Variants in PSD3 observed in about 807,000 individuals in gnomAD.
PSD3 encodes pleckstrin and Sec7 domain containing 3.
PSD3 carries 49 observed loss-of-function variants against 105.5 expected under a neutral mutation model. The ratio of observed to expected loss-of-function variants is 0.46; its 90% CI spans 0.37 to 0.59. The LOEUF (loss-of-function observed/expected upper bound fraction) is 0.59. PSD3 is among the 20% of genes least tolerant of loss of function. PSD3 has a pLI of 0.00. For synonymous variants in PSD3, 557 were observed against 457.8 expected, an observed-to-expected ratio of 1.22 and a Z score of -2.77; for missense variants, 1,561 against 1,263.8, an observed-to-expected ratio of 1.24 and a Z score of -3.57.
chr8:18,740,727 A>T (rs1456361445), intron 9 of PSD3, among the ~76,000 whole-genome samples: 1 of 152,176 alleles, frequency 6.6e-6, no homozygotes, highest in African/African-American at 2.4e-5. Flanking sequence ...AGTCACATGG[A>T]AATCCTCTCT....
intron 14 of PSD3, among the ~76,000 whole-genome samples, chr8:18,571,653 C>A (rs1157241731): frequency 1.3e-5 from 2 of 152,204 alleles, no homozygotes; most frequent in African/African-American, 4.8e-5. Flanking sequence ...AACAGGCACA[C>A]AATACATATT....
At chr8:18,540,425 T>C (rs971685175) in intron 15 of PSD3, among the ~76,000 whole-genome samples, 1 of 152,168 alleles carries the variant, frequency 6.6e-6, no homozygotes, top group Admixed American at 6.5e-5. Context: ...TTTCAGGTTC[T>C]AGGAAATGAT....
chr8:18,537,928 C>T (rs1323892845), intron 15 of PSD3, among the ~76,000 whole-genome samples: 3 of 152,178 alleles, frequency 2.0e-5, no homozygotes, highest in Non-Finnish European at 2.9e-5. Flanking sequence ...CCACCCGCCT[C>T]GGCCTCCCAA....
intron 15 of PSD3, among the ~76,000 whole-genome samples, chr8:18,539,339 C>T (rs1167774391): frequency 6.6e-6 from 1 of 152,122 alleles, no homozygotes; most frequent in Non-Finnish European, 1.5e-5. Flanking sequence ...TCATTGATTT[C>T]GCCTCATATT....
At chr8:18,622,057 C>G (rs573427025) in intron 11 of PSD3, among the ~76,000 whole-genome samples, 1 of 152,252 alleles carries the variant, frequency 6.6e-6, no homozygotes, top group East Asian at 1.9e-4. Context: ...CCTCTCCAAC[C>G]TTGTCAAGGT....
At position 18,916,463 on chromosome 8, in the gene PSD3, A is replaced by C. The variant is rs138506443; in HGVS notation, c.130+19571T>G. 7.4e-3 allele frequency among the ~76,000 whole-genome samples: 1,127 copies of C among 151,696 alleles called. 21 individuals carry two copies. The highest frequency in any genetic ancestry group is 0.026 in the African/African-American group (1,074 of 41,354). ...GGATAAACCTAGAGGACATTATGCT[A>C]AGTGAAATAAGTCAGGCACAGAATG... On this transcript the variant is annotated intron_variant, in intron 2 of 15. Transcript: ENST00000327040.
intron 1 of PSD3, among the ~76,000 whole-genome samples, chr8:19,043,876 T>C (rs906146804): frequency 6.6e-6 from 1 of 152,246 alleles, no homozygotes; most frequent in South Asian, 2.1e-4. Flanking sequence ...TATTTTGTTA[T>C]AGCAGCACAA....
At chr8:18,790,293 CTT>C (rs939629761) in intron 8 of PSD3, among the ~76,000 whole-genome samples, 2 of 148,532 alleles carry the variant, frequency 1.3e-5, no homozygotes, top group African/African-American at 5.0e-5. Flanking sequence ...TAACATTTTT[CTT>C]TTTTCTTTTC....
Position 18,931,684 on chromosome 8 carries a change from G to A in PSD3, c.130+4350C>T, listed in dbSNP as rs143970126. On this transcript the variant is annotated intron_variant, in intron 2 of 15. Transcript: ENST00000327040. ...ATGGGCTCTGAACAGTTCAGGTGACGGCAGCAGGGAGGCAATGTGAAAACA... is the reference window on the plus strand; with the variant it reads ...ATGGGCTCTGAACAGTTCAGGTGACAGCAGCAGGGAGGCAATGTGAAAACA... Among the ~76,000 whole-genome samples the A allele has an allele frequency of 1.1e-3, 171 of 152,218 alleles. 4 individuals carry two copies. The East Asian group carries it at 0.027, about 24-fold the overall frequency.
At chr8:18,781,654 C>G (rs549528882) in intron 8 of PSD3, among the ~76,000 whole-genome samples, 1 of 152,132 alleles carries the variant, frequency 6.6e-6, no homozygotes, top group Non-Finnish European at 1.5e-5. Flanking sequence ...GGACTTTTAA[C>G]AGTTCGACTA....
At chr8:19,072,870 T>TTCATGC (rs1563545238) in intron 1 of PSD3, among the ~76,000 whole-genome samples, 228 of 152,154 alleles carry the variant, frequency 1.5e-3, no homozygotes, top group African/African-American at 5.4e-3. Flanking sequence ...TGAGTTCATG[T>TTCATGC]GGAAGGACTC....
At chr8:18,877,836 T>C (rs1404069376) in intron 2 of PSD3, among the ~76,000 whole-genome samples, 2 of 152,080 alleles carry the variant, frequency 1.3e-5, no homozygotes, top group Non-Finnish European at 2.9e-5. Flanking sequence ...GCACCACACC[T>C]GGCTAGATGC....
At chr8:18,759,531 T>C (rs928636904) in intron 9 of PSD3, among the ~76,000 whole-genome samples, 1 of 152,188 alleles carries the variant, frequency 6.6e-6, no homozygotes, top group Non-Finnish European at 1.5e-5. Flanking sequence ...GCTAATTTCT[T>C]TCTACTCTCC....
chr8:18,665,812 C>T (rs1563155499), intron 9 of PSD3, among the ~76,000 whole-genome samples: 1 of 152,190 alleles, frequency 6.6e-6, no homozygotes, highest in Non-Finnish European at 1.5e-5. Context: ...GATCGTGCCA[C>T]TGCACTTCAG....
At chr8:18,586,126 C>T (rs1048644625) in intron 12 of PSD3, among the ~76,000 whole-genome samples, 5 of 152,068 alleles carry the variant, frequency 3.3e-5, no homozygotes, top group East Asian at 3.9e-4. Context: ...AAACACAGGG[C>T]GGCCACAACC....
chr8:18,558,225 T>G (rs529875753), intron 14 of PSD3, among the ~76,000 whole-genome samples: 14 of 152,234 alleles, frequency 9.2e-5, no homozygotes. Flanking sequence ...TTTATTTCTT[T>G]CAAAGTTGTT....
intron 1 of PSD3, among the ~76,000 whole-genome samples, chr8:18,985,146 T>C (rs889797534): frequency 6.6e-6 from 1 of 152,134 alleles, no homozygotes; most frequent in Non-Finnish European, 1.5e-5. Flanking sequence ...GTTGGCCAGG[T>C]TGGTCTCGAA....
At chr8:18,904,593 A>T (rs1819720537) in intron 2 of PSD3, among the ~76,000 whole-genome samples, 1 of 152,192 alleles carries the variant, frequency 6.6e-6, no homozygotes, top group African/African-American at 2.4e-5. Context: ...TGTACCCAAT[A>T]CCTGTACTAC....
intron 1 of PSD3, among the ~76,000 whole-genome samples, chr8:18,946,382 C>A (rs571214077): frequency 6.6e-6 from 1 of 151,836 alleles, no homozygotes; most frequent in African/African-American, 2.4e-5. Flanking sequence ...TGGAGACTAG[C>A]CTGTGCAATA....
Sources: allele counts gnomAD v4.1 joint callset (sites outside exome capture counted in the v4.1 genomes callset), GRCh38; gene constraint gnomAD v4.1.1; transcripts MANE v1.5; gene names NCBI Gene and HGNC (gene_info 2026-07-23, HGNC 2026-07-21).